ENOX2: variants seen among roughly 807,000 people sequenced by gnomAD.
ENOX2 encodes the protein ecto-NOX disulfide-thiol exchanger 2, also known as APK1 antigen.
A neutral mutation model predicts 45.0 loss-of-function variants in ENOX2; 36 were observed. The observed-to-expected ratio is 0.80, with a 90% CI of 0.61 to 1.06. The LOEUF is 1.06. Ranked by LOEUF, ENOX2 falls within the 50% of genes least tolerant of loss-of-function variation. The probability of loss-of-function intolerance (pLI) is 0.00; values close to 1 mark genes in which losing one functional copy is unlikely to be tolerated. For synonymous variants in ENOX2, 174 were observed against 152.3 expected (o/e 1.14, Z -1.05); for missense variants, 423 against 462.5 (o/e 0.91, Z 0.78).
chrX:130,739,417 T>C lies in ENOX2; in HGVS notation c.-38-36163A>G, dbSNP rs5977363. ...GTGGGTTACATGTATTAAATCTATT[T>C]TGACTTACGGTATTTTCAATTTACG... On this transcript the variant is annotated intron_variant, in intron 3 of 14. Transcript: ENST00000394363. 7.1e-3 allele frequency among the ~76,000 whole-genome samples: 802 copies of C among 112,522 alleles called. 10 individuals are homozygous for C. Among genetic ancestry groups the C allele is most frequent in the African/African-American group, 0.024 (747 of 30,975 alleles).
chrX:130,790,448 CTTCTCAAACT>C (rs1343872992), intron 2 of ENOX2, among the ~76,000 whole-genome samples: 1 of 112,304 alleles, frequency 8.9e-6, no homozygotes, highest in Non-Finnish European at 1.9e-5. Context: ...TACCCTAATA[CTTCTCAAACT>C]TTTTAATGTG....
intron 2 of ENOX2, among the ~76,000 whole-genome samples, chrX:130,868,619 C>G (rs1377575993): frequency 9.0e-6 from 1 of 111,658 alleles, no homozygotes; most frequent in African/African-American, 3.3e-5. Flanking sequence ...TTATTGGGCT[C>G]AGACCATTTC....
At chrX:130,703,535 T>TCTCA (rs1250590140) in intron 3 of ENOX2, among the ~76,000 whole-genome samples, 1 of 110,775 alleles carries the variant, frequency 9.0e-6, no homozygotes, top group Non-Finnish European at 1.9e-5. Flanking sequence ...TCTCTCTCTC[T>TCTCA]CTTTTTTCAA....
chrX:130,727,695 G>A (rs1641191446), intron 3 of ENOX2, among the ~76,000 whole-genome samples: 1 of 112,410 alleles, frequency 8.9e-6, no homozygotes, highest in Non-Finnish European at 1.9e-5. Flanking sequence ...AAAGGTTGCA[G>A]AGTTGAGCTG....
intron 10 of ENOX2, among the ~76,000 whole-genome samples, chrX:130,638,067 C>CT (rs752457979): frequency 2.4e-3 from 245 of 101,133 alleles, no homozygotes; most frequent in African/African-American, 6.8e-3. Flanking sequence ...TCCTTCCTTC[C>CT]TTTTTTTTTT....
chrX:130,790,659 C>A (rs185843219), intron 2 of ENOX2, among the ~76,000 whole-genome samples: 1 of 112,097 alleles, frequency 8.9e-6, no homozygotes, highest in East Asian at 2.8e-4. Context: ...TACTTTCCTA[C>A]CTCCACACCT....
chrX:130,821,609 T>G (rs2077600636), intron 2 of ENOX2, among the ~76,000 whole-genome samples: 1 of 84,629 alleles, frequency 1.2e-5, no homozygotes, highest in South Asian at 6.7e-4. Flanking sequence ...AGTTAGTGGG[T>G]GCAGCACACC....
intron 3 of ENOX2, among the ~76,000 whole-genome samples, chrX:130,777,507 A>G (rs1389784709): frequency 9.2e-6 from 1 of 109,041 alleles, no homozygotes; most frequent in African/African-American, 3.3e-5. Flanking sequence ...AAAAAAAAAA[A>G]AATGCTGGAG....
chrX:130,854,899 T>G (rs937889640), intron 2 of ENOX2, among the ~76,000 whole-genome samples: 3 of 111,598 alleles, frequency 2.7e-5, no homozygotes, highest in African/African-American at 3.3e-5. Flanking sequence ...AACTTATGAA[T>G]AGAGGGGGAA....
intron 3 of ENOX2, among the ~76,000 whole-genome samples, chrX:130,746,851 G>C (rs1257619657): frequency 8.9e-6 from 1 of 112,250 alleles, no homozygotes; most frequent in African/African-American, 3.2e-5. Flanking sequence ...CCAGAACCAG[G>C]GCTCCCATGA....
chrX:130,803,756 A>G (rs2077256805), intron 2 of ENOX2, among the ~76,000 whole-genome samples: 1 of 112,430 alleles, frequency 8.9e-6, no homozygotes, highest in Non-Finnish European at 1.9e-5. Flanking sequence ...AAAATTCCAC[A>G]GCATATTACT....
chrX:130,752,784 CTCTG>C (rs779258647), intron 3 of ENOX2, among the ~76,000 whole-genome samples: 3 of 111,013 alleles, frequency 2.7e-5, no homozygotes, highest in Non-Finnish European at 5.7e-5. Context: ...GGCCAACTCT[CTCTG>C]TCTGAGTGAC....
At chrX:130,670,958 T>C (rs1051891880) in intron 6 of ENOX2, among the ~76,000 whole-genome samples, 1 of 111,646 alleles carries the variant, frequency 9.0e-6, no homozygotes, top group African/African-American at 3.3e-5. Flanking sequence ...AGAGCTCAGC[T>C]AGATACTTCC....
intron 14 of ENOX2, 128 bp downstream of exon 14, chrX:130,627,830 A>G: frequency 1.9e-6 from 1 of 517,875 alleles, no homozygotes; most frequent in African/African-American, 2.3e-5. Flanking sequence ...AATCACAGTG[A>G]GAGAGCAGGT....
chrX:130,819,728 G>A (rs1274200652), intron 2 of ENOX2, among the ~76,000 whole-genome samples: 2 of 111,419 alleles, frequency 1.8e-5, no homozygotes, highest in African/African-American at 3.3e-5. Flanking sequence ...CTGTCAGCGG[G>A]TGGGAGGGTA....
At chrX:130,631,920 C>G (rs1004203228) in intron 12 of ENOX2, among the ~76,000 whole-genome samples, 22 of 107,937 alleles carry the variant, frequency 2.0e-4, no homozygotes, top group Non-Finnish European at 3.8e-4. Flanking sequence ...TAAGTATTAT[C>G]TCCATTCTAC....
chrX:130,721,411 A>G (rs2038471445), intron 3 of ENOX2, among the ~76,000 whole-genome samples: 1 of 112,008 alleles, frequency 8.9e-6, no homozygotes, highest in African/African-American at 3.2e-5. Context: ...GTGTTATTCC[A>G]CTCATAGTAT....
intron 2 of ENOX2, among the ~76,000 whole-genome samples, chrX:130,792,715 C>T (rs762073553): frequency 1.3e-4 from 14 of 111,841 alleles, no homozygotes; most frequent in Non-Finnish European, 1.7e-4. Context: ...ATCACTTGAA[C>T]CCGGGTGGCG....
chrX:130,826,038 T>C (rs1034721085), intron 2 of ENOX2, among the ~76,000 whole-genome samples: 31 of 111,203 alleles, frequency 2.8e-4, no homozygotes, highest in African/African-American at 9.5e-4. Context: ...TTCAGTACCA[T>C]CCATGGTTTT....
Sources: gnomAD v4.1 joint callset for allele counts (sites outside exome capture counted in the v4.1 genomes callset) on GRCh38, gnomAD v4.1.1 for gene constraint, MANE v1.5 for transcripts, NCBI Gene and HGNC (gene_info 2026-07-23, HGNC 2026-07-21) for gene names.